Variants in PRXL2B observed in about 807,000 individuals in gnomAD.
PRXL2B encodes peroxiredoxin like 2B.
Under a neutral mutation model 24.4 loss-of-function variants are expected in PRXL2B, and 26 were observed. The ratio of observed to expected loss-of-function variants is 1.07; its 90% confidence interval spans 0.78 to 1.48. PRXL2B has a LOEUF of 1.48. Among genes scored for constraint, PRXL2B ranks in the 40% most tolerant of loss-of-function variants. The pLI is 0.00. For missense variants in PRXL2B, 269 were observed against 264.8 expected (o/e 1.02, Z -0.11); for synonymous variants, 115 against 118.9 (o/e 0.97, Z 0.21).
In PRXL2B at chr1:2,586,932, AT is replaced by A; in HGVS notation, c.48del (p.His16GlnfsTer3). ...CGCGTGGGCGCGTGCATCCTGAAGC[AT>A]GCGGTGACCGGGGAGGTGAGGCCGG... ...LARVGACILK[H>X]AVTGEAVELR... On this transcript the variant is annotated frameshift_variant, in exon 1 of 7. Transcript: ENST00000419916. LOFTEE classifies it high-confidence loss of function. 1 of 1,319,300 alleles carries A rather than the reference AT, an allele frequency of 7.6e-7. No homozygotes were observed. Among genetic ancestry groups the A allele is most frequent in the Non-Finnish European group, 9.6e-7 (1 of 1,037,564 alleles). 81.7% of individuals were successfully genotyped at this position (1,319,300 alleles called of 1,614,324 possible).
chr1:2,587,706 G>C lies in PRXL2B; in HGVS notation c.269-35G>C. 6.3e-7 allele frequency: 1 copy of C among 1,584,892 alleles called. No homozygotes were observed. On this transcript the variant is annotated intron_variant, in intron 2 of 6. Transcript: ENST00000419916. The surrounding 1 kb of genome is among the most constrained non-coding windows in gnomAD (Gnocchi z 6.1). Reference sequence around the variant, plus strand: ...TGAGTGGGTTGGGGGCTGGTTCTGCGCCTGGGGCACACACATGTGGCTTCC... The same window carrying C: ...TGAGTGGGTTGGGGGCTGGTTCTGCCCCTGGGGCACACACATGTGGCTTCC...
At chr1:2,588,853 C>T (rs923506128) in intron 5 of PRXL2B, 69 bp from the exon 6 acceptor site, 32 of 1,480,430 alleles carry the variant, frequency 2.2e-5, no homozygotes, top group African/African-American at 2.8e-5. Context: ...TACCCTCCCT[C>T]CTCCTGGTAT....
chr1:2,588,658 C>G, intron 5 of PRXL2B, 33 bp downstream of exon 5: 3 of 1,604,774 alleles, frequency 1.9e-6, no homozygotes, highest in Non-Finnish European at 2.6e-6. Context: ...GCCACTGCCT[C>G]AAGGAGGGCC....
chr1:2,586,535 G>T, upstream of PRXL2B: 1 of 375,520 alleles, frequency 2.7e-6, no homozygotes, highest in Non-Finnish European at 4.7e-6. Context: ...GGAGGCGGGA[G>T]GGACCGAAGC....
Position 2,587,667 on chromosome 1 carries a change from G to A in PRXL2B, c.269-74G>A, listed in dbSNP as rs1046718104. On this transcript the variant is annotated intron_variant, in intron 2 of 6. Transcript: ENST00000419916. This position sits in a 1 kb window ranked among gnomAD's most constrained non-coding sequence, Gnocchi z 6.1. ...GGAACAGAGGGTCGGAAGGAGGAGGGCGATTCTTTGTGGTGAGTGGGTTGG... is the reference window on the plus strand; with the variant it reads ...GGAACAGAGGGTCGGAAGGAGGAGGACGATTCTTTGTGGTGAGTGGGTTGG... 15 of 1,508,214 alleles carry A rather than the reference G, an allele frequency of 9.9e-6. No homozygotes were observed. The African/African-American group carries it at 2.1e-4, about 21-fold the overall frequency. The allele number at this position is 1,508,214 out of a possible 1,614,324, so 93.4% of individuals were successfully genotyped here.
In PRXL2B at chr1:2,590,934, A is replaced by T; in HGVS notation, c.*1507A>T. ...GGGTCGCCGCTAGCTGCACCTTCGC[A>T]CAGATGCCTCCGAGCAGCGGGTGGG... On this transcript the variant is annotated 3_prime_UTR_variant, in exon 7 of 7. Coordinates refer to ENST00000419916, the MANE Select transcript of PRXL2B (RefSeq NM_152371.5). 1.5e-6 allele frequency: 2 copies of T among 1,357,872 alleles called. No homozygotes were observed. Among genetic ancestry groups the T allele is most frequent in the Non-Finnish European group, 1.9e-6 (2 of 1,029,402 alleles). The allele number at this position is 1,357,872 out of a possible 1,614,324, so 84.1% of individuals were successfully genotyped here. A position where few individuals can be genotyped will look rare whatever the true frequency, so the allele number is the denominator to read the frequency against.
At position 2,587,341 on chromosome 1, in the gene PRXL2B, G is replaced by C. The variant is rs1644549464; in HGVS notation, c.268+46G>C. ...CGGCGGCGCACATACCCTTCCCTAA[G>C]CTCAGGGCGTTCGGGGCCCTTTCCT... On this transcript the variant is annotated intron_variant, in intron 2 of 6. Coordinates refer to ENST00000419916, the MANE Select transcript of PRXL2B (RefSeq NM_152371.5). The surrounding 1 kb of genome is among the most constrained non-coding windows in gnomAD (Gnocchi z 6.1). 4 of 1,531,918 alleles carry C rather than the reference G, an allele frequency of 2.6e-6. No homozygotes were observed. In the South Asian group the frequency reaches 3.6e-5, roughly 14 times the overall value. 94.9% of individuals were successfully genotyped at this position (1,531,918 alleles called of 1,614,324 possible). A position where few individuals can be genotyped will look rare whatever the true frequency, so the allele number is the denominator to read the frequency against.
In PRXL2B at chr1:2,590,995, A is replaced by T. The variant is rs1367337415; in HGVS notation, c.*1568A>T. The T allele has an allele frequency of 1.9e-6, 3 of 1,587,684 alleles. No individual in the cohort carries two copies. In the South Asian group the frequency reaches 3.5e-5, roughly 18 times the overall value. ...ACAGCGCGGCAGGGCCTTGGCTACC[A>T]CACGCGGCATCGCTCCTTGGGGTGC... is the stretch of plus-strand genomic sequence containing the variant. On this transcript the variant is annotated 3_prime_UTR_variant, in exon 7 of 7. Coordinates refer to ENST00000419916, the MANE Select transcript of PRXL2B (RefSeq NM_152371.5).
rs1479848044 is a variant in PRXL2B at position 2,587,174 on chromosome 1, G to A, written c.147G>A (p.Trp49Ter). The A allele has an allele frequency of 6.4e-7, 1 of 1,557,752 alleles. No individual in the cohort carries two copies. The highest frequency in any genetic ancestry group is 1.4e-5 in the African/African-American group (1 of 73,866). ...GCTTCGGGTGCGTGGTGTGCCGCTG[G>A]ATCGCCCAGGACCTCAGCAGCCTTG... is the stretch of plus-strand genomic sequence containing the variant. Reference protein sequence around the residue: ...LRRFGCVVCRWIAQDLSSLAG... With the variant: ...LRRFGCVVCR The change falls in exon 2 of 7, where the codon TGG becomes TGA. Residue 49 changes from tryptophan to a stop codon, truncating the protein, a stop_gained. Transcript: ENST00000419916. LOFTEE classifies it high-confidence loss of function. This position sits in a 1 kb window ranked among gnomAD's most constrained non-coding sequence, Gnocchi z 6.1.
At chr1:2,588,271 C>T (rs1267270910) in intron 3 of PRXL2B, 119 bp from the exon 4 acceptor site, 6 of 1,186,420 alleles carry the variant, frequency 5.1e-6, no homozygotes, top group Non-Finnish European at 6.9e-6. Flanking sequence ...ATCTCTGAGC[C>T]CTGGTGAGGC....
In PRXL2B at chr1:2,588,551, C is replaced by T; in HGVS notation, c.386C>T (p.Ala129Val). ...TCAGGCTGTACCCACTCCTGACAGG[C>T]CAAGGCTGTTGGCATCCAGGGGAAC... ...GKPVRDVAAKAKAVGIQGNLS... is the reference protein window; with the variant it reads ...GKPVRDVAAKVKAVGIQGNLS... Residue 129 changes from alanine to valine, a missense_variant and splice_region_variant, in exon 5 of 7, where the codon GCC becomes GTC. Coordinates refer to ENST00000419916, the MANE Select transcript of PRXL2B (RefSeq NM_152371.5). 1 of 1,614,142 alleles carries T rather than the reference C, an allele frequency of 6.2e-7. No individual in the cohort carries two copies. Among genetic ancestry groups the T allele is most frequent in the South Asian group, 1.1e-5 (1 of 91,088 alleles).
Position 2,589,570 on chromosome 1 carries a change from T to A in PRXL2B, c.*143T>A. The A allele has an allele frequency of 1.7e-6, 2 of 1,185,760 alleles. No homozygotes were observed. Among genetic ancestry groups the A allele is most frequent in the Non-Finnish European group, 2.4e-6 (2 of 825,154 alleles). The allele number at this position is 1,185,760 out of a possible 1,614,324, so 73.5% of individuals were successfully genotyped here. Reference sequence around the variant, plus strand: ...TGATCCGCCGGCAGCAACGAGCCATTAAAACTGCAGTTCCTGACCACGCAC... The same window carrying A: ...TGATCCGCCGGCAGCAACGAGCCATAAAAACTGCAGTTCCTGACCACGCAC... On this transcript the variant is annotated 3_prime_UTR_variant, in exon 7 of 7. Transcript: ENST00000419916.
At position 2,588,458 on chromosome 1, in the gene PRXL2B, G is replaced by A; in HGVS notation, c.384+5G>A. On this transcript the variant is annotated splice_donor_5th_base_variant and intron_variant, in intron 4 of 6. Coordinates refer to ENST00000419916, the MANE Select transcript of PRXL2B (RefSeq NM_152371.5). The stretch of plus-strand genomic sequence containing the variant: ...GTGCGTGATGTGGCTGCCAAGGTGT[G>A]TGCGGGTCAAGGGTGTACAGGCCGG... The A allele has an allele frequency of 3.1e-6, 5 of 1,614,160 alleles. No individual in the cohort carries two copies. The highest frequency in any genetic ancestry group is 4.2e-6 in the Non-Finnish European group (5 of 1,180,026).
chr1:2,588,576 C>G lies in PRXL2B; in HGVS notation c.411C>G (p.Asn137Lys). ...CCAAGGCTGTTGGCATCCAGGGGAA[C>G]TTGTCTGGGGACCTGCTGCAGAGCG... ...AKAKAVGIQG[N>K]LSGDLLQSGG... The change falls in exon 5 of 7, where the codon AAC becomes AAG. Residue 137 changes from asparagine to lysine, a missense_variant. Coordinates refer to ENST00000419916, the MANE Select transcript of PRXL2B (RefSeq NM_152371.5). 1 of 1,614,132 alleles carries G rather than the reference C, an allele frequency of 6.2e-7. No individual in the cohort carries two copies. Among genetic ancestry groups the G allele is most frequent in the Admixed American group, 1.7e-5 (1 of 60,028 alleles).
chr1:2,588,436 C>G lies in PRXL2B; in HGVS notation c.367C>G (p.Arg123Gly), dbSNP rs144215612. 1 of 1,614,130 alleles carries G rather than the reference C, an allele frequency of 6.2e-7. No individual in the cohort carries two copies. Among genetic ancestry groups the G allele is most frequent in the East Asian group, 2.2e-5 (1 of 44,882 alleles). ...CCCAGCAGCTCTGGGGAAGCCCGTG[C>G]GTGATGTGGCTGCCAAGGTGTGTGC... ...ILPAALGKPV[R>G]DVAAKAKAVG... Residue 123 changes from arginine (R) to glycine (G), a missense_variant, in exon 4 of 7, where the codon CGT (arginine) becomes GGT (glycine). Transcript: ENST00000419916.
At position 2,587,928 on chromosome 1, in the gene PRXL2B, G is replaced by T; in HGVS notation, c.320+136G>T. ...CCTTCCTGGGCAAGGCGGCTCTGGT[G>T]GCACTGTTGACCAGCCCTTCTGCCA... On this transcript the variant is annotated intron_variant, in intron 3 of 6. Coordinates refer to ENST00000419916, the MANE Select transcript of PRXL2B (RefSeq NM_152371.5). This position sits in a 1 kb window ranked among gnomAD's most constrained non-coding sequence, Gnocchi z 6.1. 1.0e-6 allele frequency: 1 copy of T among 987,208 alleles called. No individual in the cohort carries two copies. The allele number at this position is 987,208 out of a possible 1,614,324, so 61.2% of individuals were successfully genotyped here. A position where few individuals can be genotyped will look rare whatever the true frequency, so the allele number is the denominator to read the frequency against.
At position 2,587,122 on chromosome 1, in the gene PRXL2B, A is replaced by G. The variant is rs373997233; in HGVS notation, c.95A>G (p.His32Arg). 1.2e-4 allele frequency: 191 copies of G among 1,529,726 alleles called. No homozygotes were observed. The African/African-American group carries it at 2.4e-3, about 19-fold the overall frequency. The allele number at this position is 1,529,726 out of a possible 1,614,324, so 94.8% of individuals were successfully genotyped here. A position where few individuals can be genotyped will look rare whatever the true frequency, so the allele number is the denominator to read the frequency against. ...AVELRSLWRE[H>R]ACVVAGLRRF... ...GAGCTGCGGAGCCTGTGGCGGGAGCACGCGTGCGTGGTGGCCGGGCTGCGG... is the reference window on the plus strand; with the variant it reads ...GAGCTGCGGAGCCTGTGGCGGGAGCGCGCGTGCGTGGTGGCCGGGCTGCGG... Residue 32 changes from histidine (H) to arginine (R), a missense_variant, in exon 2 of 7, where the codon CAC becomes CGC. Transcript: ENST00000419916. This position sits in a 1 kb window ranked among gnomAD's most constrained non-coding sequence, Gnocchi z 6.1.
upstream of PRXL2B, chr1:2,586,764 G>C: frequency 1.6e-6 from 2 of 1,242,308 alleles, no homozygotes; most frequent in Non-Finnish European, 2.0e-6. Context: ...GCGGGACCGG[G>C]GCATCTCGGG....
chr1:2,587,096 G>A lies in PRXL2B; in HGVS notation c.69G>A (p.Val23=), dbSNP rs753443370. 440 of 1,533,202 alleles carry A rather than the reference G, an allele frequency of 2.9e-4. No homozygotes were observed. The highest frequency in any genetic ancestry group is 3.6e-4 in the Non-Finnish European group (414 of 1,147,946). The allele number at this position is 1,533,202 out of a possible 1,614,324, so 95.0% of individuals were successfully genotyped here. ...ATGACCCAGCCGCCCGGCAGGCCGT[G>A]GAGCTGCGGAGCCTGTGGCGGGAGC... is the stretch of plus-strand genomic sequence containing the variant. ...ILKHAVTGEA[V]ELRSLWREHA... Residue 23 remains valine, a synonymous_variant, in exon 2 of 7, where the codon GTG becomes GTA. Transcript: ENST00000419916. This position sits in a 1 kb window ranked among gnomAD's most constrained non-coding sequence, Gnocchi z 6.1.
Sources: allele counts gnomAD v4.1 joint callset, GRCh38; gene constraint gnomAD v4.1.1; non-coding constraint Gnocchi (gnomAD v3.1); transcripts MANE v1.5; gene names NCBI Gene and HGNC (gene_info 2026-07-23, HGNC 2026-07-21).